Variants in GALNT18 observed in about 807,000 individuals in gnomAD.
GALNT18 encodes GalNAc-transferase 18.
In GALNT18, 44 loss-of-function variants were observed where a neutral mutation model predicts 69.5. The ratio of observed to expected loss-of-function variants is 0.63; its 90% CI spans 0.50 to 0.81. The LOEUF is 0.81. GALNT18 is among the 40% of genes least tolerant of loss of function. The pLI is 0.00. For synonymous variants in GALNT18, 364 were observed against 318.2 expected (o/e 1.14, Z -1.53); for missense variants, 715 against 810.0 (o/e 0.88, Z 1.42).
chr11:11,371,685 C>T (rs930426423), intron 6 of GALNT18, among the ~76,000 whole-genome samples: 2 of 152,156 alleles, frequency 1.3e-5, no homozygotes, highest in African/African-American at 4.8e-5. Flanking sequence ...GCCAAGGATA[C>T]TCCCTGGTCC....
chr11:11,512,738 G>A (rs113909069), intron 1 of GALNT18, among the ~76,000 whole-genome samples: 6 of 152,156 alleles, frequency 3.9e-5, no homozygotes, highest in African/African-American at 1.4e-4. Flanking sequence ...CCTGAGGCCT[G>A]GGCTCGTTAT....
Position 11,540,258 on chromosome 11 carries a change from G to A in GALNT18, c.235+81101C>T, listed in dbSNP as rs911204376. The stretch of plus-strand genomic sequence containing the variant: ...CTATCTTCTCAAGGGCTTAGAAGGC[G>A]TCCTTGTAACTTTGTTGAAGGGCCC... On this transcript the variant is annotated intron_variant, in intron 1 of 10. Transcript: ENST00000227756. This position sits in a 1 kb window ranked among gnomAD's most constrained non-coding sequence, Gnocchi z 4.6. Among the ~76,000 whole-genome samples the A allele has an allele frequency of 4.6e-5, 7 of 152,288 alleles. No homozygotes were observed. Among genetic ancestry groups the A allele is most frequent in the South Asian group, 2.1e-4 (1 of 4,832 alleles).
intron 3 of GALNT18, among the ~76,000 whole-genome samples, chr11:11,384,609 T>A (rs2133701489): frequency 6.6e-6 from 1 of 152,274 alleles, no homozygotes; most frequent in Non-Finnish European, 1.5e-5. Flanking sequence ...GCAGCCCTCA[T>A]AAATGGGATT....
chr11:11,272,825 C>G (rs1272289905), intron 10 of GALNT18, among the ~76,000 whole-genome samples: 2 of 152,122 alleles, frequency 1.3e-5, no homozygotes, highest in South Asian at 4.1e-4. Flanking sequence ...GTGGGAAGTG[C>G]ACTGAGAGAG....
intron 10 of GALNT18, among the ~76,000 whole-genome samples, chr11:11,278,825 T>C (rs1849004359): frequency 6.6e-6 from 1 of 152,244 alleles, no homozygotes; most frequent in South Asian, 2.1e-4. Context: ...TAATTTATTG[T>C]ATACTTTAAA....
At chr11:11,289,653 A>G (rs1027874420) in intron 10 of GALNT18, among the ~76,000 whole-genome samples, 4 of 152,200 alleles carry the variant, frequency 2.6e-5, no homozygotes, top group Admixed American at 2.6e-4. Flanking sequence ...GCCCCAAGGC[A>G]TCTAGGTGTG....
At chr11:11,397,801 G>T (rs570578105) in intron 3 of GALNT18, among the ~76,000 whole-genome samples, 2 of 152,294 alleles carry the variant, frequency 1.3e-5, no homozygotes, top group Non-Finnish European at 2.9e-5. Flanking sequence ...AAAGGGCATA[G>T]AAAGAAAATA....
At chr11:11,579,827 T>C (rs921746121) in intron 1 of GALNT18, among the ~76,000 whole-genome samples, 1 of 152,202 alleles carries the variant, frequency 6.6e-6, no homozygotes, top group Non-Finnish European at 1.5e-5. Flanking sequence ...TCTGTTTCAG[T>C]GAGGAGAGAG....
At chr11:11,292,139 C>A (rs1590014547) in intron 10 of GALNT18, among the ~76,000 whole-genome samples, 1 of 152,260 alleles carries the variant, frequency 6.6e-6, no homozygotes, top group Non-Finnish European at 1.5e-5. Flanking sequence ...CTGGGAGTGT[C>A]CACCATGTAC....
Position 11,463,991 on chromosome 11 carries a change from A to G in GALNT18, c.236-15055T>C, listed in dbSNP as rs962718697. Among the ~76,000 whole-genome samples, 1 of 152,314 alleles carries G rather than the reference A, an allele frequency of 6.6e-6. No homozygotes were observed. Among genetic ancestry groups the G allele is most frequent in the Non-Finnish European group, 1.5e-5 (1 of 68,018 alleles). ...CCCAGTCTTGCTCTGTGAGCACCTGAAGCAGAGGAAGGAGGCAGTCCCGGC... is the reference window on the plus strand; with the variant it reads ...CCCAGTCTTGCTCTGTGAGCACCTGGAGCAGAGGAAGGAGGCAGTCCCGGC... On this transcript the variant is annotated intron_variant, in intron 1 of 10. Transcript: ENST00000227756. The surrounding 1 kb of genome is among the most constrained non-coding windows in gnomAD (Gnocchi z 4.2).
chr11:11,488,444 G>C lies in GALNT18; in HGVS notation c.236-39508C>G, dbSNP rs1203069042. Among the ~76,000 whole-genome samples, 5 of 152,046 alleles carry C rather than the reference G, an allele frequency of 3.3e-5. No homozygotes were observed. The South Asian group carries it at 1.0e-3, about 32-fold the overall frequency. On this transcript the variant is annotated intron_variant, in intron 1 of 10. Coordinates refer to ENST00000227756, the MANE Select transcript of GALNT18 (RefSeq NM_198516.3). ...TGTTAAGACTCTTGTGGACGATCCA[G>C]GATAACCTTCCCAACTCAAGGTCAG...
intron 1 of GALNT18, among the ~76,000 whole-genome samples, chr11:11,615,496 G>C (rs1464346159): frequency 1.3e-5 from 2 of 152,008 alleles, no homozygotes; most frequent in Non-Finnish European, 2.9e-5. Context: ...TATTAATCAT[G>C]GTATTCAGAA....
intron 1 of GALNT18, among the ~76,000 whole-genome samples, chr11:11,467,929 C>G (rs1246093161): frequency 6.6e-6 from 1 of 152,116 alleles, no homozygotes; most frequent in African/African-American, 2.4e-5. Flanking sequence ...ACAGATCACC[C>G]CGAGATGTTC....
rs990217879 is a variant in GALNT18 at position 11,318,796 on chromosome 11, C to T, written c.1512+8290G>A. On this transcript the variant is annotated intron_variant, in intron 9 of 10. Transcript: ENST00000227756. This position sits in a 1 kb window ranked among gnomAD's most constrained non-coding sequence, Gnocchi z 5.1. The stretch of plus-strand genomic sequence containing the variant: ...AAAACAAAGAGGGGAAGTGGCCTGT[C>T]CTTTTAATATTATCCTGGGACATTA... Among the ~76,000 whole-genome samples, 1 of 152,098 alleles carries T rather than the reference C, an allele frequency of 6.6e-6. No individual in the cohort carries two copies. The highest frequency in any genetic ancestry group is 1.5e-5 in the Non-Finnish European group (1 of 68,028).
chr11:11,476,541 C>T (rs919136850), intron 1 of GALNT18: 1 of 152,122 alleles, frequency 6.6e-6, no homozygotes, highest in Non-Finnish European at 1.5e-5. Flanking sequence ...AAAGCATTGC[C>T]CAGCACTCTT....
rs1331321770 is a variant in GALNT18 at position 11,586,543 on chromosome 11, C to A, written c.235+34816G>T. 1.3e-5 allele frequency among the ~76,000 whole-genome samples: 2 copies of A among 152,128 alleles called. No individual in the cohort carries two copies. Among genetic ancestry groups the A allele is most frequent in the Non-Finnish European group, 2.9e-5 (2 of 68,024 alleles). Reference sequence around the variant, plus strand: ...CAGCCTCTGTGAAGTGAGATCTTCCCTGTTGACAGGCAGAAACCACCAGGA... The same window carrying A: ...CAGCCTCTGTGAAGTGAGATCTTCCATGTTGACAGGCAGAAACCACCAGGA... On this transcript the variant is annotated intron_variant, in intron 1 of 10. Coordinates refer to ENST00000227756, the MANE Select transcript of GALNT18 (RefSeq NM_198516.3). This position sits in a 1 kb window ranked among gnomAD's most constrained non-coding sequence, Gnocchi z 4.1.
Position 11,494,566 on chromosome 11 carries a change from G to C in GALNT18, c.236-45630C>G, listed in dbSNP as rs1182593752. 6.6e-6 allele frequency among the ~76,000 whole-genome samples: 1 copy of C among 152,166 alleles called. No individual in the cohort carries two copies. The highest frequency in any genetic ancestry group is 6.5e-5 in the Admixed American group (1 of 15,280). On this transcript the variant is annotated intron_variant, in intron 1 of 10. Transcript: ENST00000227756. This position sits in a 1 kb window ranked among gnomAD's most constrained non-coding sequence, Gnocchi z 5.7. ...AAAGACCCCTTGTGGGTGAGCTGAAGGCAGAGTCATGCCTCACAATTCACT... is the reference window on the plus strand; with the variant it reads ...AAAGACCCCTTGTGGGTGAGCTGAACGCAGAGTCATGCCTCACAATTCACT...
rs1856049780 is a variant in GALNT18 at position 11,461,799 on chromosome 11, C to T, written c.236-12863G>A. ...AGCAGTGTGGCCCTTGCCAGTAGGA[C>T]AGCCTGCAGCCCAGAACAATGCCAG... On this transcript the variant is annotated intron_variant, in intron 1 of 10. Coordinates refer to ENST00000227756, the MANE Select transcript of GALNT18 (RefSeq NM_198516.3). This position sits in a 1 kb window ranked among gnomAD's most constrained non-coding sequence, Gnocchi z 4.1. Among the ~76,000 whole-genome samples, 1 of 152,238 alleles carries T rather than the reference C, an allele frequency of 6.6e-6. No individual in the cohort carries two copies. Among genetic ancestry groups the T allele is most frequent in the Non-Finnish European group, 1.5e-5 (1 of 68,052 alleles).
chr11:11,578,077 T>C (rs1056417344), intron 1 of GALNT18, among the ~76,000 whole-genome samples: 2 of 152,144 alleles, frequency 1.3e-5, no homozygotes, highest in Non-Finnish European at 1.5e-5. Context: ...AGCATTGACC[T>C]GGGGCAAAAC....
Sources: allele counts gnomAD v4.1 joint callset (sites outside exome capture counted in the v4.1 genomes callset), GRCh38; gene constraint gnomAD v4.1.1; non-coding constraint Gnocchi (gnomAD v3.1); transcripts MANE v1.5; gene names NCBI Gene and HGNC (gene_info 2026-07-23, HGNC 2026-07-21).